The following ADA2 variants were observed in gnomAD, a reference collection of about 807,000 sequenced individuals.
ADA2 encodes the protein adenosine deaminase CECR1.
A neutral mutation model predicts 44.2 loss-of-function variants in ADA2; 29 were observed. The observed-to-expected ratio is 0.66, with a 90% CI of 0.49 to 0.89. ADA2 has a LOEUF of 0.89. Ranked by LOEUF, ADA2 falls within the 40% of genes least tolerant of loss-of-function variation. The pLI is 0.00. For missense variants in ADA2, 637 were observed against 644.8 expected, an observed-to-expected ratio of 0.99 and a Z score of 0.13; for synonymous variants, 215 against 234.9, an observed-to-expected ratio of 0.92 and a Z score of 0.77.
At chr22:17,188,254 G>T in intron 7 of ADA2, 85 bp downstream of exon 7, 1 of 930,018 alleles carries the variant, frequency 1.1e-6, no homozygotes, top group Non-Finnish European at 1.7e-6. Flanking sequence ...ACGCCTGTAG[G>T]CTCTAACCCT....
At chr22:17,218,877 G>C (rs1314136184) in intron 1 of ADA2, among the ~76,000 whole-genome samples, 1 of 152,212 alleles carries the variant, frequency 6.6e-6, no homozygotes, top group African/African-American at 2.4e-5. Flanking sequence ...AAGAAAGGAG[G>C]CTGGGTGTGG....
chr22:17,183,456 CTTTTTTTTTTTT>C (rs1227906560), intron 7 of ADA2, among the ~76,000 whole-genome samples: 1 of 77,420 alleles, frequency 1.3e-5, no homozygotes, highest in Non-Finnish European at 2.5e-5. Flanking sequence ...TTGTGGCACT[CTTTTTTTTTTTT>C]TTTTTTTTTT....
At chr22:17,199,473 C>A in intron 4 of ADA2, 2 of 903,996 alleles carry the variant, frequency 2.2e-6, no homozygotes. Flanking sequence ...CAGGGTTCTG[C>A]GAGGGTCGGA....
At chr22:17,220,857 G>A (rs2062517847), upstream of ADA2, among the ~76,000 whole-genome samples, 1 of 152,128 alleles carries the variant, frequency 6.6e-6, no homozygotes, top group Non-Finnish European at 1.5e-5. Context: ...AAACACAGAG[G>A]GGTCAGGGAT....
chr22:17,182,475 G>A, intron 8 of ADA2, 129 bp downstream of exon 8: 9 of 934,094 alleles, frequency 9.6e-6, no homozygotes, highest in South Asian at 9.2e-5. Flanking sequence ...ACTAACAGGG[G>A]TAGGAGAGTG....
chr22:17,181,362 CA>C lies in ADA2; in HGVS notation c.*120del, dbSNP rs2061966132. The stretch of plus-strand genomic sequence containing the variant: ...TGCTCAGCCAGCCAAGTGCTTCTCA[CA>C]GGGTCGCTCCATACAGAGGCCATTG... On this transcript the variant is annotated 3_prime_UTR_variant, in exon 10 of 10. Coordinates refer to ENST00000399837, the MANE Select transcript of ADA2 (RefSeq NM_001282225.2). The C allele has an allele frequency of 2.5e-5, 18 of 715,192 alleles. No homozygotes were observed. The highest frequency in any genetic ancestry group is 4.1e-5 in the Non-Finnish European group (16 of 394,480). The allele number at this position is 715,192 out of a possible 1,614,324, so 44.3% of individuals were successfully genotyped here.
In ADA2 at chr22:17,178,952, C is replaced by A. The variant is rs1288621307; in HGVS notation, c.*2531G>T. ...GAATCACCTGCAGAGTTAGACAGGA[C>A]CCTAGAGGTTGTCTTCTTCCATCCA... On this transcript the variant is annotated 3_prime_UTR_variant, in exon 10 of 10. Transcript: ENST00000399837. 2.6e-5 allele frequency: 4 copies of A among 152,194 alleles called. No individual in the cohort carries two copies. The East Asian group carries it at 7.7e-4, about 29-fold the overall frequency. 9.4% of individuals were successfully genotyped at this position (152,194 alleles called of 1,614,324 possible). A position where few individuals can be genotyped will look rare whatever the true frequency, so the allele number is the denominator to read the frequency against.
intron 1 of ADA2, chr22:17,214,122 G>A (rs1443445922): frequency 7.0e-6 from 5 of 717,188 alleles, no homozygotes; most frequent in Admixed American, 1.9e-5. Flanking sequence ...ACACACTCAC[G>A]GAGCATTACA....
At chr22:17,211,242 C>T (rs926436494) in intron 1 of ADA2, among the ~76,000 whole-genome samples, 1 of 151,804 alleles carries the variant, frequency 6.6e-6, no homozygotes, top group Non-Finnish European at 1.5e-5. Flanking sequence ...GCCTGTAGTC[C>T]CAGCTGTTTG....
At chr22:17,199,440 T>TTCCCCTCCCTCCCCTCCTCTATCCTAG in intron 4 of ADA2, 1 of 1,027,942 alleles carries the variant, frequency 9.7e-7, no homozygotes, top group Non-Finnish European at 1.5e-6. Flanking sequence ...CTCTATCCTC[T>TTCCCCTCCCTCCCCTCCTCTATCCTAG]TCCCCTCCAC....
chr22:17,195,300 G>A (rs752945250), intron 4 of ADA2, among the ~76,000 whole-genome samples: 7 of 151,984 alleles, frequency 4.6e-5, no homozygotes, highest in African/African-American at 1.7e-4. Flanking sequence ...AGATCACCTC[G>A]GGCAAATCAC....
chr22:17,204,354 C>T (rs867800283), intron 3 of ADA2, among the ~76,000 whole-genome samples: 136 of 151,862 alleles, frequency 9.0e-4, no homozygotes, highest in African/African-American at 3.0e-3. Context: ...TGGTGGCTCA[C>T]GCCTGTAATC....
chr22:17,208,838 A>ATTTTTTTTTTTTTTTTT (rs796662081), intron 2 of ADA2, among the ~76,000 whole-genome samples: 5 of 142,998 alleles, frequency 3.5e-5, no homozygotes, highest in Admixed American at 2.1e-4. Context: ...AAAAATTAAC[A>ATTTTTTTTTTTTTTTTT]TTTTTTGGGG....
chr22:17,213,163 G>A (rs1023858132), intron 1 of ADA2, among the ~76,000 whole-genome samples: 2 of 152,040 alleles, frequency 1.3e-5, no homozygotes, highest in Non-Finnish European at 2.9e-5. Context: ...CTCAAAAAAT[G>A]GCTATTACTT....
At chr22:17,191,392 C>T (rs184152879) in intron 5 of ADA2, among the ~76,000 whole-genome samples, 2 of 152,270 alleles carry the variant, frequency 1.3e-5, no homozygotes, top group Admixed American at 1.3e-4. Context: ...AATGAGTCAC[C>T]AGGCCAATGT....
chr22:17,191,075 C>G (rs551882402), intron 5 of ADA2, among the ~76,000 whole-genome samples: 1 of 152,360 alleles, frequency 6.6e-6, no homozygotes, highest in East Asian at 1.9e-4. Flanking sequence ...CGACCATGGA[C>G]AGGTCCCAGC....
chr22:17,189,910 C>G, intron 6 of ADA2, 32 bp downstream of exon 6: 1 of 1,523,924 alleles, frequency 6.6e-7, no homozygotes, highest in Non-Finnish European at 9.1e-7. Flanking sequence ...GCCCCCTTAA[C>G]AGGCAGCCCT....
At chr22:17,211,166 C>T (rs1047289320) in intron 1 of ADA2, among the ~76,000 whole-genome samples, 29 of 151,950 alleles carry the variant, frequency 1.9e-4, no homozygotes, top group African/African-American at 6.8e-4. Context: ...TTGAGACCAG[C>T]CTGGCCAATA....
chr22:17,194,931 G>A (rs556172778), intron 4 of ADA2, among the ~76,000 whole-genome samples: 4 of 151,804 alleles, frequency 2.6e-5, no homozygotes, highest in South Asian at 4.2e-4. Flanking sequence ...TGAAGGTGTC[G>A]CCCTCCCCTC....
Sources: allele counts gnomAD v4.1 joint callset (sites outside exome capture counted in the v4.1 genomes callset), GRCh38; gene constraint gnomAD v4.1.1; transcripts MANE v1.5; gene names NCBI Gene and HGNC (gene_info 2026-07-23, HGNC 2026-07-21).